The following PAK3 variants were observed in gnomAD, a reference collection of about 807,000 sequenced individuals.
The protein encoded by PAK3 is p21 (RAC1) activated kinase 3.
In PAK3, 4 loss-of-function variants were observed where a neutral mutation model predicts 41.0. That is an observed-to-expected ratio of 0.10 (90% CI 0.05 to 0.22). The LOEUF (loss-of-function observed/expected upper bound fraction) is 0.22. Among genes scored for constraint, PAK3 ranks in the 10% least tolerant of loss-of-function variants. The pLI, the probability that PAK3 is intolerant of heterozygous loss-of-function variation, is 1.00. For synonymous variants in PAK3, 146 were observed against 139.6 expected (o/e 1.05, Z -0.32); for missense variants, 205 against 409.9 (o/e 0.50, Z 4.32).
chrX:110,996,467 G>A (rs1337537407), intron 1 of PAK3, among the ~76,000 whole-genome samples: 1 of 111,814 alleles, frequency 8.9e-6, no homozygotes, highest in African/African-American at 3.2e-5. Context: ...CTAAATGGTT[G>A]TGTCTTCCCC....
At chrX:110,978,937 T>C in intron 1 of PAK3, among the ~76,000 whole-genome samples, 1 of 111,714 alleles carries the variant, frequency 9.0e-6, no homozygotes, top group East Asian at 2.8e-4. Flanking sequence ...AATTCCTCAG[T>C]GAAAACTTCT....
intron 1 of PAK3, among the ~76,000 whole-genome samples, chrX:110,947,288 G>C (rs1192148698): frequency 8.9e-6 from 1 of 111,891 alleles, no homozygotes; most frequent in Non-Finnish European, 1.9e-5. Flanking sequence ...CCTTGCTGTG[G>C]AGGAGTTGAT....
chrX:111,035,105 C>CAAAAAAAAAAAAAAAAAA (rs533876214), intron 1 of PAK3, among the ~76,000 whole-genome samples: 2 of 39,556 alleles, frequency 5.1e-5, no homozygotes, highest in African/African-American at 2.8e-4. Flanking sequence ...GACCCTGTCT[C>CAAAAAAAAAAAAAAAAAA]AAAAAAAAAA....
chrX:111,160,440 CATTTT>C (rs60050367), intron 8 of PAK3, among the ~76,000 whole-genome samples: 10 of 107,564 alleles, frequency 9.3e-5, no homozygotes, highest in East Asian at 5.7e-4. Context: ...AGGCTAGCCA[CATTTT>C]ATTTTATTTT....
chrX:110,966,126 G>C (rs920268524), intron 1 of PAK3, among the ~76,000 whole-genome samples: 1 of 111,978 alleles, frequency 8.9e-6, no homozygotes, highest in African/African-American at 3.3e-5. Flanking sequence ...ACCTAAAAAA[G>C]AAATGTATAT....
At chrX:110,994,710 A>C (rs2091710722) in intron 1 of PAK3, among the ~76,000 whole-genome samples, 1 of 111,415 alleles carries the variant, frequency 9.0e-6, no homozygotes, top group African/African-American at 3.3e-5. Flanking sequence ...TGGGCTTGGG[A>C]GTTGAACCAA....
chrX:111,101,378 C>T (rs1358009608), intron 3 of PAK3, among the ~76,000 whole-genome samples: 2 of 111,722 alleles, frequency 1.8e-5, no homozygotes, highest in East Asian at 5.7e-4. Context: ...TGCACTGACT[C>T]AAGCAAGTGG....
chrX:110,968,378 A>G (rs1177216533), intron 1 of PAK3, among the ~76,000 whole-genome samples: 3 of 112,488 alleles, frequency 2.7e-5, no homozygotes, highest in Non-Finnish European at 5.6e-5. Flanking sequence ...AGGTAAGTGC[A>G]TATTTAGTTT....
chrX:111,163,089 C>T, intron 9 of PAK3, 43 bp downstream of exon 9: 1 of 1,136,465 alleles, frequency 8.8e-7, no homozygotes, highest in Non-Finnish European at 1.2e-6. Flanking sequence ...AAAAGATGCC[C>T]TTTGGAATAG....
chrX:111,059,121 C>CTTTTT (rs386417402), intron 1 of PAK3, among the ~76,000 whole-genome samples: 27 of 61,002 alleles, frequency 4.4e-4, no homozygotes, highest in African/African-American at 1.2e-3. Context: ...TCAACTTTTC[C>CTTTTT]TTTTTTTTTT....
intron 1 of PAK3, among the ~76,000 whole-genome samples, chrX:111,067,437 A>G (rs1210487502): frequency 1.8e-5 from 2 of 111,614 alleles, no homozygotes; most frequent in African/African-American, 3.2e-5. Flanking sequence ...CAATTTTCCA[A>G]GGTCACACAG....
At chrX:111,118,335 G>A (rs922810187) in intron 4 of PAK3, among the ~76,000 whole-genome samples, 3 of 111,411 alleles carry the variant, frequency 2.7e-5, no homozygotes, top group African/African-American at 9.8e-5. Context: ...TCAAGTCTAT[G>A]CCTGAAAGCT....
chrX:111,149,789 G>A (rs762861937), intron 7 of PAK3, among the ~76,000 whole-genome samples: 1 of 111,937 alleles, frequency 8.9e-6, no homozygotes, highest in East Asian at 2.8e-4. Flanking sequence ...TGATGGGAGG[G>A]GCTGCTGTGA....
At chrX:110,960,457 G>T (rs763570494) in intron 1 of PAK3, among the ~76,000 whole-genome samples, 1 of 111,967 alleles carries the variant, frequency 8.9e-6, no homozygotes, top group African/African-American at 3.2e-5. Flanking sequence ...TATAAACATA[G>T]AGAACAGCAA....
At chrX:111,030,369 C>T (rs964871647) in intron 1 of PAK3, among the ~76,000 whole-genome samples, 2 of 110,941 alleles carry the variant, frequency 1.8e-5, no homozygotes, top group African/African-American at 6.6e-5. Context: ...CTGAAAAGAT[C>T]TAGAAAGCTT....
chrX:111,048,498 G>A (rs1347358744), intron 1 of PAK3, among the ~76,000 whole-genome samples: 3 of 110,979 alleles, frequency 2.7e-5, no homozygotes, highest in Admixed American at 1.9e-4. Context: ...TTTTATCATG[G>A]CCAAAAACAC....
chrX:111,017,210 C>A, intron 1 of PAK3, among the ~76,000 whole-genome samples: 1 of 109,137 alleles, frequency 9.2e-6, no homozygotes, highest in African/African-American at 3.3e-5. Context: ...AGGAAAGAGA[C>A]CAATAAAGAT....
chrX:111,194,006 A>G (rs1569457942), intron 13 of PAK3, among the ~76,000 whole-genome samples: 1 of 111,153 alleles, frequency 9.0e-6, no homozygotes, highest in Admixed American at 9.6e-5. Flanking sequence ...ATTTCCTATA[A>G]TTCATCTTTC....
intron 5 of PAK3, among the ~76,000 whole-genome samples, chrX:111,132,255 CTT>C (rs981085104): frequency 3.9e-4 from 43 of 110,868 alleles, no homozygotes; most frequent in African/African-American, 1.3e-3. Flanking sequence ...TTTAATAAGA[CTT>C]ATATATCCTT....
Sources: allele counts gnomAD v4.1 joint callset (sites outside exome capture counted in the v4.1 genomes callset), GRCh38; gene constraint gnomAD v4.1.1; transcripts MANE v1.5; gene names NCBI Gene and HGNC (gene_info 2026-07-23, HGNC 2026-07-21).